Variants in RABGAP1 observed in about 807,000 individuals in gnomAD.
RABGAP1 encodes RAB GTPase activating protein 1, also known as rab GTPase-activating protein 1.
RABGAP1 carries 23 observed loss-of-function variants against 137.6 expected under a neutral mutation model. The observed-to-expected ratio is 0.17, with a 90% CI of 0.12 to 0.24. The LOEUF is 0.24. Ranked by LOEUF, RABGAP1 falls within the 10% of genes least tolerant of loss-of-function variation. The pLI, the probability that RABGAP1 is intolerant of heterozygous loss-of-function variation, is 1.00. For synonymous variants in RABGAP1, 451 were observed against 450.7 expected (o/e 1.00, Z -0.01); for missense variants, 906 against 1,275.8 (o/e 0.71, Z 4.42).
chr9:123,074,564 G>T, intron 17 of RABGAP1, 136 bp downstream of exon 17: 1 of 1,004,782 alleles, frequency 1.0e-6, no homozygotes, highest in Non-Finnish European at 1.4e-6. Flanking sequence ...AGGAAATCTA[G>T]GTTTAAGTGA....
rs562729980 is a variant in RABGAP1 at position 122,952,204 on chromosome 9, G to A, written c.-49-4807G>A. 4.6e-5 allele frequency among the ~76,000 whole-genome samples: 7 copies of A among 152,094 alleles called. No individual in the cohort carries two copies. The East Asian group carries it at 1.2e-3, about 25-fold the overall frequency. On this transcript the variant is annotated intron_variant, in intron 1 of 25. Coordinates refer to ENST00000373647, the MANE Select transcript of RABGAP1 (RefSeq NM_012197.4). ...GGTAAGGCTGGGTACGGCAGTTTAT[G>A]CCTGTAATCCCAGCACTTTGGGTGG... is the stretch of plus-strand genomic sequence containing the variant.
At chr9:122,949,437 C>G (rs1834107419) in intron 1 of RABGAP1, among the ~76,000 whole-genome samples, 1 of 151,856 alleles carries the variant, frequency 6.6e-6, no homozygotes, top group African/African-American at 2.4e-5. Context: ...TCGCTTGAAC[C>G]TGGGAGGCGG....
At chr9:123,062,492 A>G (rs2034015391) in intron 13 of RABGAP1, 1 of 152,226 alleles carries the variant, frequency 6.6e-6, no homozygotes, top group Non-Finnish European at 1.5e-5. Context: ...CAGCAAGTCA[A>G]ATGAATTTAT....
chr9:123,047,645 A>G (rs1018825185), intron 13 of RABGAP1, among the ~76,000 whole-genome samples: 17 of 152,120 alleles, frequency 1.1e-4, no homozygotes, highest in Non-Finnish European at 2.4e-4. Context: ...AAAATCTTCA[A>G]TATGATTTTT....
intron 1 of RABGAP1, among the ~76,000 whole-genome samples, chr9:122,952,442 G>A (rs1474490092): frequency 1.3e-5 from 2 of 151,384 alleles, no homozygotes; most frequent in Non-Finnish European, 2.9e-5. Flanking sequence ...TTTCTTTTTT[G>A]TATTTTGAGT....
intron 2 of RABGAP1, among the ~76,000 whole-genome samples, chr9:122,974,315 A>G (rs1278275118): frequency 6.6e-6 from 1 of 152,028 alleles, no homozygotes; most frequent in Non-Finnish European, 1.5e-5. Flanking sequence ...TAACGTGGTA[A>G]GATCCAGAAG....
At chr9:123,087,981 CG>C (rs2034920653) in intron 19 of RABGAP1, among the ~76,000 whole-genome samples, 1 of 151,844 alleles carries the variant, frequency 6.6e-6, no homozygotes, top group Non-Finnish European at 1.5e-5. Flanking sequence ...CAGATTTCCA[CG>C]TCAGCACTTT....
At chr9:122,977,290 A>G (rs539234122) in intron 2 of RABGAP1, among the ~76,000 whole-genome samples, 1 of 152,364 alleles carries the variant, frequency 6.6e-6, no homozygotes, top group Non-Finnish European at 1.5e-5. Flanking sequence ...GATAGAAGGG[A>G]AAAATGGACA....
chr9:122,954,700 A>G (rs918853753), intron 1 of RABGAP1, among the ~76,000 whole-genome samples: 2 of 152,224 alleles, frequency 1.3e-5, no homozygotes, highest in Admixed American at 1.3e-4. Context: ...ACAAATTCTA[A>G]AAAAAAGATA....
intron 2 of RABGAP1, among the ~76,000 whole-genome samples, chr9:122,957,830 G>A (rs545078035): frequency 1.3e-5 from 2 of 151,626 alleles, no homozygotes; most frequent in Non-Finnish European, 2.9e-5. Flanking sequence ...AAGTACTGGG[G>A]ATATAGTGGT....
chr9:123,059,072 A>T (rs2033863005), intron 13 of RABGAP1, among the ~76,000 whole-genome samples: 1 of 152,204 alleles, frequency 6.6e-6, no homozygotes, highest in Non-Finnish European at 1.5e-5. Context: ...ATGAAGGAGA[A>T]GGCATGGACC....
chr9:122,948,230 A>G (rs959489280), intron 1 of RABGAP1, among the ~76,000 whole-genome samples: 1 of 152,126 alleles, frequency 6.6e-6, no homozygotes, highest in Non-Finnish European at 1.5e-5. Context: ...TTCTTTTTCT[A>G]AACAGAGAGT....
In RABGAP1 at chr9:123,021,732, G is replaced by A. The variant is rs1312473044; in HGVS notation, c.1794+1273G>A. 2.0e-5 allele frequency among the ~76,000 whole-genome samples: 3 copies of A among 151,998 alleles called. No homozygotes were observed. The East Asian group carries it at 5.8e-4, about 29-fold the overall frequency. ...TCCTATATCCAGACAGATTTTTTTTGTTTCAATAAGTATTCTGATTCCTTC... is the reference window on the plus strand; with the variant it reads ...TCCTATATCCAGACAGATTTTTTTTATTTCAATAAGTATTCTGATTCCTTC... On this transcript the variant is annotated intron_variant, in intron 13 of 25. Transcript: ENST00000373647.
intron 2 of RABGAP1, among the ~76,000 whole-genome samples, chr9:122,970,038 TAC>T (rs1478632163): frequency 1.3e-5 from 2 of 151,902 alleles, no homozygotes; most frequent in Non-Finnish European, 2.9e-5. Context: ...TAGCTGAAAT[TAC>T]AGTCATGTGC....
In RABGAP1 at chr9:123,070,486, A is replaced by T; in HGVS notation, c.1983+62A>T. ...GCCTCCCTCAGCTTATACTAACCTT[A>T]GGCTTGAGCATGGTTTTATATTGGG... On this transcript the variant is annotated intron_variant, in intron 15 of 25. Transcript: ENST00000373647. This position sits in a 1 kb window ranked among gnomAD's most constrained non-coding sequence, Gnocchi z 4.4. The T allele has an allele frequency of 6.2e-7, 1 of 1,610,542 alleles. No homozygotes were observed. The highest frequency in any genetic ancestry group is 8.5e-7 in the Non-Finnish European group (1 of 1,178,560).
intron 10 of RABGAP1, among the ~76,000 whole-genome samples, chr9:123,005,325 A>G (rs1238129913): frequency 6.6e-6 from 1 of 150,804 alleles, no homozygotes; most frequent in East Asian, 1.9e-4. Context: ...TATATAAAAT[A>G]CTTATAAATG....
rs1323796516 is a variant in RABGAP1, at chr9:123,101,730, A to G, written c.3054A>G (p.Lys1018=). The G allele has an allele frequency of 1.9e-6, 3 of 1,610,964 alleles. No homozygotes were observed. Among genetic ancestry groups the G allele is most frequent in the Non-Finnish European group, 2.5e-6 (3 of 1,178,778 alleles). ...REMELELAQT[K]LQLVEAECKI... ...TGGAGCTAGAACTGGCACAGACCAA[A>G]CTCCAGCTGGTGGAGGCCGAGTGTA... The change falls in exon 25 of 26, where the codon AAA becomes AAG. Residue 1018 remains lysine (K), a synonymous_variant. Transcript: ENST00000373647.
intron 12 of RABGAP1, among the ~76,000 whole-genome samples, chr9:123,017,838 G>A (rs1171554050): frequency 1.3e-5 from 2 of 152,176 alleles, no homozygotes; most frequent in Non-Finnish European, 2.9e-5. Flanking sequence ...TTTTACAGAT[G>A]AGACTGGTGC....
In RABGAP1 at chr9:122,998,671, G is replaced by A. The variant is rs908240314; in HGVS notation, c.1279G>A (p.Glu427Lys). 1.9e-6 allele frequency: 3 copies of A among 1,611,626 alleles called. No homozygotes were observed. Among genetic ancestry groups the A allele is most frequent in the South Asian group, 1.1e-5 (1 of 91,016 alleles). ...EVQEPVRFLLETKVRVCSPNE... is the reference protein window; with the variant it reads ...EVQEPVRFLLKTKVRVCSPNE... ...ACAGGAGCCTGTTCGATTTCTCCTG[G>A]AGACAAAAGTCCGCGTTTGCTCACC... The change falls in exon 10 of 26, where the codon GAG (glutamate) becomes AAG (lysine). Residue 427 changes from glutamate to lysine, a missense_variant. Around this residue, in one of 9 missense-constraint regions of RABGAP1, gnomAD observed 212 missense variants for 289.4 expected, o/e 0.73. Transcript: ENST00000373647.
Sources: allele counts gnomAD v4.1 joint callset (sites outside exome capture counted in the v4.1 genomes callset), GRCh38; gene constraint gnomAD v4.1.1; regional missense constraint gnomAD v4.1.1; non-coding constraint Gnocchi (gnomAD v3.1); transcripts MANE v1.5; gene names NCBI Gene and HGNC (gene_info 2026-07-23, HGNC 2026-07-21).